The following PTPRD variants were observed in gnomAD, a reference collection of about 807,000 sequenced individuals.
PTPRD encodes the protein protein tyrosine phosphatase receptor type D, also known as receptor-type tyrosine-protein phosphatase delta.
A neutral mutation model predicts 214.5 loss-of-function variants in PTPRD; 34 were observed. The ratio of observed to expected loss-of-function variants is 0.16; its 90% CI spans 0.12 to 0.21. The LOEUF (loss-of-function observed/expected upper bound fraction) is 0.21, where lower values mean the gene tolerates loss of function less well. Ranked by LOEUF, PTPRD falls within the 10% of genes least tolerant of loss-of-function variation. PTPRD has a pLI of 1.00. For missense variants in PTPRD, 2,545 were observed against 2,398.7 expected (o/e 1.06, Z -1.27); for synonymous variants, 1,128 against 845.7 (o/e 1.33, Z -5.79).
chr9:9,440,800 T>C (rs2087337740), intron 8 of PTPRD, among the ~76,000 whole-genome samples: 1 of 152,212 alleles, frequency 6.6e-6, no homozygotes, highest in Non-Finnish European at 1.5e-5. Context: ...ATCGCAATAA[T>C]ATGGCATGGC....
chr9:10,165,381 G>T (rs2099152662), intron 3 of PTPRD, among the ~76,000 whole-genome samples: 1 of 151,748 alleles, frequency 6.6e-6, no homozygotes, highest in South Asian at 2.1e-4. Context: ...ACCAAAACTT[G>T]TTAACTTGCA....
At position 10,264,704 on chromosome 9, in the gene PTPRD, C is replaced by T. The variant is rs567845189; in HGVS notation, c.-545+76259G>A. ...TAATGCCGAAATTAGTTAAGACTTT[C>T]GGGATCTCTTGGGAAGCCATGATTA... On this transcript the variant is annotated intron_variant, in intron 3 of 45. Coordinates refer to ENST00000381196, the MANE Select transcript of PTPRD (RefSeq NM_002839.4). Among the ~76,000 whole-genome samples the T allele has an allele frequency of 5.9e-5, 9 of 152,178 alleles. No individual in the cohort carries two copies. The East Asian group carries it at 1.4e-3, about 23-fold the overall frequency.
chr9:10,349,621 G>A (rs2097148603), intron 2 of PTPRD, among the ~76,000 whole-genome samples: 1 of 151,770 alleles, frequency 6.6e-6, no homozygotes, highest in South Asian at 2.1e-4. Context: ...TTGACTGTGT[G>A]AATACATGAA....
chr9:9,188,061 C>T (rs1223738938), intron 9 of PTPRD, among the ~76,000 whole-genome samples: 4 of 152,060 alleles, frequency 2.6e-5, no homozygotes, highest in Non-Finnish European at 5.9e-5. Context: ...TACTCTCAAA[C>T]TCACTTTTTC....
intron 14 of PTPRD, among the ~76,000 whole-genome samples, chr9:8,580,485 C>A (rs1180350946): frequency 6.6e-6 from 1 of 152,006 alleles, no homozygotes; most frequent in Non-Finnish European, 1.5e-5. Flanking sequence ...GTCTGCAGAC[C>A]CTGATGGACT....
chr9:9,779,450 T>G (rs774318540), intron 5 of PTPRD, among the ~76,000 whole-genome samples: 1 of 152,074 alleles, frequency 6.6e-6, no homozygotes, highest in Non-Finnish European at 1.5e-5. Context: ...TCACAACCTA[T>G]GCATCCAACA....
At chr9:9,652,782 T>C (rs111693196) in intron 7 of PTPRD, among the ~76,000 whole-genome samples, 2 of 152,052 alleles carry the variant, frequency 1.3e-5, no homozygotes, top group African/African-American at 4.8e-5. Context: ...TCCCTGCTAA[T>C]TTTTTGTATC....
chr9:8,779,159 G>A (rs1349288725), intron 11 of PTPRD, among the ~76,000 whole-genome samples: 1 of 152,164 alleles, frequency 6.6e-6, no homozygotes, highest in Non-Finnish European at 1.5e-5. Flanking sequence ...ATAGCAGAAG[G>A]CTGACAGAAA....
chr9:9,175,035 C>T (rs2099923794), intron 10 of PTPRD, among the ~76,000 whole-genome samples: 1 of 151,938 alleles, frequency 6.6e-6, no homozygotes, highest in South Asian at 2.1e-4. Context: ...ATGACATAGC[C>T]AGAAGACCCC....
intron 6 of PTPRD, among the ~76,000 whole-genome samples, chr9:9,760,586 T>C (rs1255102615): frequency 7.0e-6 from 1 of 143,570 alleles, no homozygotes. Flanking sequence ...CCATCATCTT[T>C]ACTCAGCTAT....
At chr9:10,574,196 G>C (rs1003537981) in intron 2 of PTPRD, among the ~76,000 whole-genome samples, 26 of 54,872 alleles carry the variant, frequency 4.7e-4, no homozygotes, top group African/African-American at 2.3e-3. Context: ...AGAAATGATA[G>C]ATGTGTGTGT....
At chr9:9,578,099 T>C (rs543902142) in intron 7 of PTPRD, among the ~76,000 whole-genome samples, 24 of 149,202 alleles carry the variant, frequency 1.6e-4, no homozygotes, top group African/African-American at 4.4e-4. Context: ...CTCTCATTTG[T>C]ACTACTTATT....
intron 2 of PTPRD, among the ~76,000 whole-genome samples, chr9:10,447,029 C>T (rs1274466186): frequency 6.6e-6 from 1 of 152,126 alleles, no homozygotes; most frequent in East Asian, 1.9e-4. Context: ...AACATTATAA[C>T]AATAATTTGC....
chr9:10,220,029 TAC>T (rs757472679), intron 3 of PTPRD, among the ~76,000 whole-genome samples: 6 of 151,836 alleles, frequency 4.0e-5, no homozygotes, highest in Non-Finnish European at 7.4e-5. Context: ...CAAGAAGGTT[TAC>T]ACACACAGAA....
intron 12 of PTPRD, among the ~76,000 whole-genome samples, chr9:8,658,958 T>C (rs532057021): frequency 1.3e-5 from 2 of 152,306 alleles, no homozygotes; most frequent in African/African-American, 2.4e-5. Context: ...AATTTTTACA[T>C]AGCATCTCCT....
chr9:8,807,089 C>G (rs774097806), intron 11 of PTPRD, among the ~76,000 whole-genome samples: 2 of 152,102 alleles, frequency 1.3e-5, no homozygotes, highest in African/African-American at 2.4e-5. Context: ...GTAATCCTAG[C>G]AATTTGGGAG....
At chr9:10,104,336 T>C (rs72694858) in intron 3 of PTPRD, among the ~76,000 whole-genome samples, 7,983 of 151,800 alleles carry the variant, frequency 0.053, 273 homozygotes, top group Admixed American at 0.1. Flanking sequence ...GTTATATATA[T>C]ACATTTTATA....
intron 2 of PTPRD, among the ~76,000 whole-genome samples, chr9:10,550,638 A>C (rs528641957): frequency 1.3e-5 from 2 of 152,332 alleles, no homozygotes; most frequent in East Asian, 3.9e-4. Flanking sequence ...GGGTGCACAC[A>C]AACCCAAAGG....
At chr9:8,754,337 T>C (rs987037973) in intron 11 of PTPRD, among the ~76,000 whole-genome samples, 3 of 152,190 alleles carry the variant, frequency 2.0e-5, no homozygotes, top group Non-Finnish European at 4.4e-5. Context: ...AAAGAATTTA[T>C]ACTACCAGTT....
Sources: allele counts gnomAD v4.1 joint callset (sites outside exome capture counted in the v4.1 genomes callset), GRCh38; gene constraint gnomAD v4.1.1; transcripts MANE v1.5; gene names NCBI Gene and HGNC (gene_info 2026-07-23, HGNC 2026-07-21).